Variants in CAPN7 observed in about 807,000 individuals in gnomAD.
The protein encoded by CAPN7 is calpain 7, also known as calpain-7.
In CAPN7, 72 loss-of-function variants were observed where a neutral mutation model predicts 115.2. That is an observed-to-expected ratio of 0.63 (90% CI 0.52 to 0.76). CAPN7 has a LOEUF of 0.76. Ranked by LOEUF, CAPN7 falls within the 30% of genes least tolerant of loss-of-function variation. CAPN7 has a pLI of 0.00. For missense variants in CAPN7, 905 were observed against 971.5 expected (o/e 0.93, Z 0.91); for synonymous variants, 344 against 322.3 (o/e 1.07, Z -0.72).
At chr3:15,221,072 AT>A (rs1474942944) in intron 5 of CAPN7, 91 bp downstream of exon 5, 4 of 963,748 alleles carry the variant, frequency 4.2e-6, no homozygotes, top group African/African-American at 3.2e-5. Context: ...TTGTATTCAG[AT>A]TTCTCCTATA....
intron 16 of CAPN7, among the ~76,000 whole-genome samples, chr3:15,245,064 G>GTGT (rs1246341656): frequency 6.7e-6 from 1 of 149,962 alleles, no homozygotes; most frequent in Non-Finnish European, 1.5e-5. Context: ...AATAAGATAA[G>GTGT]TGTAGTGGTT....
At chr3:15,206,755 C>T (rs890508114) in intron 1 of CAPN7, among the ~76,000 whole-genome samples, 158 bp downstream of exon 1, 1 of 152,228 alleles carries the variant, frequency 6.6e-6, no homozygotes, top group Non-Finnish European at 1.5e-5. Flanking sequence ...GCGGCAAGCC[C>T]GAGTGCAGAG....
At chr3:15,228,029 T>C (rs928297595) in intron 7 of CAPN7, 64 bp downstream of exon 7, 5 of 1,262,494 alleles carry the variant, frequency 4.0e-6, no homozygotes, top group African/African-American at 3.1e-5. Flanking sequence ...TGTGTATAGA[T>C]TTGAGTTTTT....
At chr3:15,235,466 A>G (rs1017022783) in intron 12 of CAPN7, among the ~76,000 whole-genome samples, 3 of 152,120 alleles carry the variant, frequency 2.0e-5, no homozygotes, top group Non-Finnish European at 4.4e-5. Context: ...GTTTGGATCA[A>G]TCACAGTGTT....
chr3:15,251,406 G>A lies in CAPN7; in HGVS notation c.*146G>A, dbSNP rs1695999212. 4.4e-6 allele frequency: 3 copies of A among 677,172 alleles called. No individual in the cohort carries two copies. The Admixed American group carries it at 9.5e-5, about 21-fold the overall frequency. The allele number at this position is 677,172 out of a possible 1,614,324, so 41.9% of individuals were successfully genotyped here. A position where few individuals can be genotyped will look rare whatever the true frequency, so the allele number is the denominator to read the frequency against. On this transcript the variant is annotated 3_prime_UTR_variant, in exon 21 of 21. Coordinates refer to ENST00000253693, the MANE Select transcript of CAPN7 (RefSeq NM_014296.3). ...TTACAGTGGAATCTGGTGCTTGTCA[G>A]GGTGTTTGGTAAGAACTGTATATAG...
intron 19 of CAPN7, among the ~76,000 whole-genome samples, chr3:15,249,025 C>CAAAAAAAAAAA (rs59492817): frequency 7.6e-6 from 1 of 130,758 alleles, no homozygotes; most frequent in African/African-American, 3.0e-5. Context: ...AAAAAAAAAA[C>CAAAAAAAAAAA]AAAAACAGAA....
rs1366420953 is a variant in CAPN7 at position 15,227,913 on chromosome 3, T to G, written c.800T>G (p.Leu267Arg). ...TFSKWVRPED[L>R]TNNPTMIYTV... ...TCCAAGTGGGTACGACCAGAAGACC[T>G]CACCAACAATCCTACAATGATATAT... Residue 267 changes from leucine (L) to arginine (R), a missense_variant, in exon 7 of 21, where the codon CTC becomes CGC. Coordinates refer to ENST00000253693, the MANE Select transcript of CAPN7 (RefSeq NM_014296.3). The G allele has an allele frequency of 4.5e-6, 7 of 1,549,180 alleles. No homozygotes were observed. The highest frequency in any genetic ancestry group is 6.1e-6 in the Non-Finnish European group (7 of 1,146,664).
At position 15,247,357 on chromosome 3, in the gene CAPN7, G is replaced by C; in HGVS notation, c.2104G>C (p.Gly702Arg). The C allele has an allele frequency of 6.2e-7, 1 of 1,607,884 alleles. No individual in the cohort carries two copies. Among genetic ancestry groups the C allele is most frequent in the Non-Finnish European group, 8.5e-7 (1 of 1,176,948 alleles). Residue 702 changes from glycine to arginine, a missense_variant, in exon 19 of 21, where the codon GGA becomes CGA. By Grantham distance (125) the Gly-to-Arg change is moderately radical. Around this residue, in one of 3 missense-constraint regions of CAPN7, gnomAD observed 620 missense variants for 703.4 expected, o/e 0.88. Coordinates refer to ENST00000253693, the MANE Select transcript of CAPN7 (RefSeq NM_014296.3). ...TGGAAAGTGGAGTGGTCAGAGTGCT[G>C]GAGGATGTGGAAATTTCCAAGAGAC... ...INGKWSGQSA[G>R]GCGNFQETHK...
At chr3:15,207,306 A>T (rs139981700) in intron 1 of CAPN7, among the ~76,000 whole-genome samples, 1 of 152,212 alleles carries the variant, frequency 6.6e-6, no homozygotes, top group Non-Finnish European at 1.5e-5. Context: ...GATAAAAAAA[A>T]AATACTACAC....
intron 2 of CAPN7, among the ~76,000 whole-genome samples, chr3:15,213,667 A>G (rs2045075707): frequency 6.6e-6 from 1 of 152,186 alleles, no homozygotes; most frequent in South Asian, 2.1e-4. Flanking sequence ...TCCTTGTGAC[A>G]ATTGGAAAAA....
In CAPN7 at chr3:15,235,131, A is replaced by G; in HGVS notation, c.1393A>G (p.Ile465Val). The G allele has an allele frequency of 6.2e-7, 1 of 1,607,458 alleles. No homozygotes were observed. Among genetic ancestry groups the G allele is most frequent in the Non-Finnish European group, 8.5e-7 (1 of 1,178,228 alleles). Residue 465 changes from isoleucine to valine, a missense_variant, in exon 12 of 21, where the codon ATT becomes GTT. Ile to Val is a conservative substitution (Grantham distance 29, BLOSUM62 3). Around this residue, in one of 3 missense-constraint regions of CAPN7, gnomAD observed 620 missense variants for 703.4 expected, o/e 0.88. Coordinates refer to ENST00000253693, the MANE Select transcript of CAPN7 (RefSeq NM_014296.3). ...CACACACGCATATGCTGTTTTGGAT[A>G]TTAGAGAGTTCAAGGTTTTGCCTTA... ...VPTHAYAVLD[I>V]REFKGLRFIQ...
chr3:15,229,457 A>AT (rs1198453968), intron 8 of CAPN7, among the ~76,000 whole-genome samples: 1 of 152,116 alleles, frequency 6.6e-6, no homozygotes, highest in African/African-American at 2.4e-5. Flanking sequence ...AACTTAGAAC[A>AT]TAAAAAATGC....
intron 8 of CAPN7, 65 bp downstream of exon 8, chr3:15,229,124 A>C: frequency 1.7e-6 from 2 of 1,167,746 alleles, no homozygotes; most frequent in Non-Finnish European, 2.6e-6. Flanking sequence ...TTTAAAACTT[A>C]AGCCTTATCT....
At chr3:15,221,008 T>C (rs1178153057) in intron 5 of CAPN7, 27 bp downstream of exon 5, 30 of 1,561,994 alleles carry the variant, frequency 1.9e-5, no homozygotes, top group Non-Finnish European at 2.4e-5. Flanking sequence ...TTAATTGTAA[T>C]GAAGAATTTT....
intron 1 of CAPN7, among the ~76,000 whole-genome samples, chr3:15,210,051 C>T (rs376518295): frequency 6.6e-6 from 1 of 151,874 alleles, no homozygotes; most frequent in Non-Finnish European, 1.5e-5. Flanking sequence ...CCCAGGCTGG[C>T]GGGCAGTGGT....
intron 1 of CAPN7, among the ~76,000 whole-genome samples, chr3:15,208,875 T>G (rs1178918067): frequency 6.6e-6 from 1 of 152,238 alleles, no homozygotes; most frequent in East Asian, 1.9e-4. Context: ...CATGATAGTG[T>G]CACCTTTTCT....
intron 19 of CAPN7, among the ~76,000 whole-genome samples, chr3:15,250,038 C>T (rs1392481712): frequency 6.6e-6 from 1 of 150,692 alleles, no homozygotes; most frequent in African/African-American, 2.4e-5. Context: ...GCTGGGATTA[C>T]AGGCGTGAGC....
intron 6 of CAPN7, 152 bp downstream of exon 6, chr3:15,223,713 A>G (rs1240461945): frequency 1.7e-6 from 1 of 596,218 alleles, no homozygotes; most frequent in Non-Finnish European, 3.0e-6. Flanking sequence ...CAACATAGCA[A>G]GAGCACTTTT....
At chr3:15,225,034 C>T (rs1477203725) in intron 6 of CAPN7, among the ~76,000 whole-genome samples, 1 of 152,166 alleles carries the variant, frequency 6.6e-6, no homozygotes, top group Non-Finnish European at 1.5e-5. Flanking sequence ...GTTGTTAAAT[C>T]TGTCTCAGTT....
Sources: allele counts gnomAD v4.1 joint callset (sites outside exome capture counted in the v4.1 genomes callset), GRCh38; gene constraint gnomAD v4.1.1; regional missense constraint gnomAD v4.1.1; transcripts MANE v1.5; gene names NCBI Gene and HGNC (gene_info 2026-07-23, HGNC 2026-07-21).